SLC8B1: variants seen among roughly 807,000 people sequenced by gnomAD.
SLC8B1 encodes solute carrier family 8 member B1, also known as mitochondrial sodium/calcium exchanger protein.
Under a neutral mutation model 63.4 loss-of-function variants are expected in SLC8B1, and 52 were observed. The ratio of observed to expected loss-of-function variants is 0.82; its 90% CI spans 0.66 to 1.03. SLC8B1 has a LOEUF of 1.03. SLC8B1 is among the 50% of genes least tolerant of loss of function. The pLI is 0.00. For missense variants in SLC8B1, 657 were observed against 741.7 expected, an observed-to-expected ratio of 0.89 and a Z score of 1.33; for synonymous variants, 336 against 323.9, an observed-to-expected ratio of 1.04 and a Z score of -0.40.
chr12:113,299,625 A>T lies in SLC8B1; in HGVS notation c.*152T>A, dbSNP rs1956541335. On this transcript the variant is annotated 3_prime_UTR_variant, in exon 16 of 16. Coordinates refer to ENST00000680972, the MANE Select transcript of SLC8B1 (RefSeq NM_001358345.2). ...GCAAGAGGTACACAGCAGTTCTCCC[A>T]GCTCACAGCAGTGACCTCAGATCTC... 1.4e-6 allele frequency: 1 copy of T among 706,824 alleles called. No homozygotes were observed. The highest frequency in any genetic ancestry group is 2.4e-6 in the Non-Finnish European group (1 of 412,058). The allele number at this position is 706,824 out of a possible 1,614,324, so 43.8% of individuals were successfully genotyped here.
chr12:113,329,301 C>T (rs976662996), intron 2 of SLC8B1, among the ~76,000 whole-genome samples: 1 of 152,158 alleles, frequency 6.6e-6, no homozygotes, highest in Non-Finnish European at 1.5e-5. Context: ...CCAAACTCAG[C>T]TCCGCCTGAA....
chr12:113,303,773 G>A (rs1179454445), intron 15 of SLC8B1, among the ~76,000 whole-genome samples: 1 of 150,314 alleles, frequency 6.7e-6, no homozygotes, highest in Non-Finnish European at 1.5e-5. Context: ...CTGGGATATG[G>A]TGCTCAGTCT....
At chr12:113,302,717 A>G (rs1475436159) in intron 15 of SLC8B1, 1 of 456,108 alleles carries the variant, frequency 2.2e-6, no homozygotes, top group East Asian at 6.9e-5. Flanking sequence ...CCCACAGATG[A>G]AGAAACTGAC....
chr12:113,300,096 CA>C, intron 15 of SLC8B1, 122 bp from the exon 16 acceptor site: 1 of 731,242 alleles, frequency 1.4e-6, no homozygotes, highest in Non-Finnish European at 2.1e-6. Context: ...GCAGCCTCAG[CA>C]ACAATGCAGC....
chr12:113,301,378 C>T (rs1361040855), intron 15 of SLC8B1, among the ~76,000 whole-genome samples: 3 of 146,742 alleles, frequency 2.0e-5, no homozygotes, highest in Non-Finnish European at 4.5e-5. Flanking sequence ...CTCTTGTTGC[C>T]CAGGCTGGAG....
chr12:113,312,096 A>G (rs1403180401), intron 11 of SLC8B1, among the ~76,000 whole-genome samples: 1 of 151,994 alleles, frequency 6.6e-6, no homozygotes, highest in East Asian at 1.9e-4. Flanking sequence ...CAAGCAGATC[A>G]GGAATAGCAC....
rs1436161234 is a variant in SLC8B1, at chr12:113,306,554, AGT to A, written c.1431_1432del (p.Leu478GlyfsTer97). 2 of 1,613,958 alleles carry A rather than the reference AGT, an allele frequency of 1.2e-6. No individual in the cohort carries two copies. The highest frequency in any genetic ancestry group is 1.3e-5 in the African/African-American group (1 of 74,956). ...CATCCGTGGGTAGCCCTGGCGAGCCAGTGTGAAATCCGAGAAGGCATCTGCAC... is the reference window on the plus strand; with the variant it reads ...CATCCGTGGGTAGCCCTGGCGAGCCAGTGAAATCCGAGAAGGCATCTGCAC... On this transcript the variant is annotated frameshift_variant, in exon 14 of 16. Coordinates refer to ENST00000680972, the MANE Select transcript of SLC8B1 (RefSeq NM_001358345.2). LOFTEE classifies it high-confidence loss of function.
chr12:113,304,342 G>A lies in SLC8B1; in HGVS notation c.1536C>T (p.Ser512=), dbSNP rs1410369271. The A allele has an allele frequency of 6.2e-7, 1 of 1,614,012 alleles. No individual in the cohort carries two copies. The highest frequency in any genetic ancestry group is 1.7e-5 in the Admixed American group (1 of 60,008). The change falls in exon 15 of 16, where the codon TCC becomes TCT. Residue 512 remains serine, a synonymous_variant. Transcript: ENST00000680972. ...GVGLGCLLQI[S]RSHTEVKLEP... ...TCACCTTCACTTCTGTGTGGCTTCG[G>A]GAGATCTGGAGCAGGCAGCCCAGCC...
At chr12:113,321,164 CCT>C in intron 3 of SLC8B1, 30 bp downstream of exon 3, 2 of 1,613,930 alleles carry the variant, frequency 1.2e-6, no homozygotes, top group Non-Finnish European at 1.7e-6. Context: ...GACACCAGCC[CCT>C]CTCACCAGCC....
At chr12:113,304,278 C>T (rs749657995) in intron 15 of SLC8B1, 43 bp downstream of exon 15, 17 of 1,589,686 alleles carry the variant, frequency 1.1e-5, no homozygotes, top group East Asian at 2.2e-5. Flanking sequence ...CATCAAGCTA[C>T]ATCTTGGTTA....
At chr12:113,304,634 TG>T (rs1228818621) in intron 14 of SLC8B1, among the ~76,000 whole-genome samples, 29 of 151,982 alleles carry the variant, frequency 1.9e-4, no homozygotes, top group Non-Finnish European at 8.8e-5. Flanking sequence ...AAAAATTTGG[TG>T]GGGGTTGGAG....
At chr12:113,306,430 T>C (rs897586787) in intron 14 of SLC8B1, 65 bp downstream of exon 14, 41 of 1,369,780 alleles carry the variant, frequency 3.0e-5, no homozygotes, top group Non-Finnish European at 3.8e-5. Context: ...GGGTGGGGCA[T>C]GGAGCACACC....
rs764503469 is a variant in SLC8B1, at chr12:113,332,870, G to C, written c.9C>G (p.Gly3=). The C allele has an allele frequency of 1.7e-5, 27 of 1,613,796 alleles. No homozygotes were observed. Among genetic ancestry groups the C allele is most frequent in the Non-Finnish European group, 2.3e-5 (27 of 1,179,974 alleles). MA[G]RRLNLRWALS... The stretch of plus-strand genomic sequence containing the variant: ...GTGCCCAGCGCAGATTCAGCCTTCT[G>C]CCGGCCATCTGCCCCCACGGGGCCT... Residue 3 remains glycine, a synonymous_variant, in exon 2 of 16, where the codon GGC becomes GGG. Transcript: ENST00000680972.
chr12:113,319,816 G>T (rs1451948687), intron 7 of SLC8B1, among the ~76,000 whole-genome samples: 1 of 152,118 alleles, frequency 6.6e-6, no homozygotes, highest in Non-Finnish European at 1.5e-5. Context: ...TTGAGACAGA[G>T]TCTTGCTCTG....
intron 2 of SLC8B1, among the ~76,000 whole-genome samples, chr12:113,329,153 A>G (rs1957029505): frequency 6.6e-6 from 1 of 152,276 alleles, no homozygotes; most frequent in Non-Finnish European, 1.5e-5. Context: ...CGTGCTGGGC[A>G]TCATCTCACC....
At chr12:113,304,917 G>T (rs1267811415) in intron 14 of SLC8B1, among the ~76,000 whole-genome samples, 1 of 152,136 alleles carries the variant, frequency 6.6e-6, no homozygotes, top group Non-Finnish European at 1.5e-5. Flanking sequence ...AAAAAAAAAT[G>T]AATTTACTTG....
At chr12:113,333,278 T>C (rs1229662001) in intron 1 of SLC8B1, among the ~76,000 whole-genome samples, 1 of 144,518 alleles carries the variant, frequency 6.9e-6, no homozygotes, top group African/African-American at 2.7e-5. Context: ...CTCAGGCTTC[T>C]GGGGCAGGTG....
chr12:113,306,221 C>T (rs1956673097), intron 14 of SLC8B1, among the ~76,000 whole-genome samples: 1 of 152,130 alleles, frequency 6.6e-6, no homozygotes, highest in Non-Finnish European at 1.5e-5. Flanking sequence ...CTGCTTATCA[C>T]ACCACTCACT....
chr12:113,307,202 C>A (rs1433227070), intron 13 of SLC8B1, among the ~76,000 whole-genome samples: 3 of 148,054 alleles, frequency 2.0e-5, no homozygotes, highest in Non-Finnish European at 4.4e-5. Flanking sequence ...ATGCACAGCA[C>A]CTCCACATGA....
Sources: gnomAD v4.1 joint callset for allele counts (sites outside exome capture counted in the v4.1 genomes callset) on GRCh38, gnomAD v4.1.1 for gene constraint, MANE v1.5 for transcripts, NCBI Gene and HGNC (gene_info 2026-07-23, HGNC 2026-07-21) for gene names.